ZNF711: variants seen among roughly 807,000 people sequenced by gnomAD.
ZNF711 encodes zinc finger protein 711.
In ZNF711, 3 loss-of-function variants were observed where a neutral mutation model predicts 43.5. That is an observed-to-expected ratio of 0.07 (90% CI 0.03 to 0.18). The LOEUF (loss-of-function observed/expected upper bound fraction) is 0.18. ZNF711 is among the 10% of genes least tolerant of loss of function. The probability of loss-of-function intolerance (pLI) is 1.00; values close to 1 mark genes in which losing one functional copy is unlikely to be tolerated. For missense variants in ZNF711, 412 were observed against 604.0 expected (o/e 0.68, Z 3.33); for synonymous variants, 209 against 207.7 (o/e 1.01, Z -0.06).
At chrX:85,247,243 T>C in intron 3 of ZNF711, 55 bp downstream of exon 3, 1 of 311,318 alleles carries the variant, frequency 3.2e-6, no homozygotes, top group East Asian at 4.8e-5. Flanking sequence ...TTATAACCTA[T>C]GTTTTAACTG....
In ZNF711 at chrX:85,257,363, A is replaced by G. The variant is rs144669105; in HGVS notation, c.622+1562A>G. On this transcript the variant is annotated intron_variant, in intron 5 of 10. Coordinates refer to ENST00000674551, the MANE Select transcript of ZNF711 (RefSeq NM_001330574.2). The stretch of plus-strand genomic sequence containing the variant: ...GTAATCCCCAATGTCTGTTGTTGCC[A>G]TCTTTATGTCCATGAGGACCCCATG... Among the ~76,000 whole-genome samples, 860 of 110,519 alleles carry G rather than the reference A, an allele frequency of 7.8e-3. 11 individuals carry two copies. The highest frequency in any genetic ancestry group is 0.027 in the African/African-American group (814 of 30,419).
At position 85,264,855 on chromosome X, in the gene ZNF711, G is replaced by T. The variant is rs993822032; in HGVS notation, c.779-263G>T. 2.7e-5 allele frequency among the ~76,000 whole-genome samples: 3 copies of T among 110,600 alleles called. No individual in the cohort carries two copies. In the Admixed American group the frequency reaches 2.9e-4, roughly 11 times the overall value. On this transcript the variant is annotated intron_variant, in intron 6 of 10. Transcript: ENST00000674551. ...AATAATAAAAGCTACCTATAGGGCTGTTGTGAGGGTTAAAGGGGTAAATAT... is the reference window on the plus strand; with the variant it reads ...AATAATAAAAGCTACCTATAGGGCTTTTGTGAGGGTTAAAGGGGTAAATAT...
chrX:85,245,823 A>C (rs1928991330), intron 1 of ZNF711, 80 bp from the exon 2 acceptor site: 1 of 112,194 alleles, frequency 8.9e-6, no homozygotes, highest in Non-Finnish European at 1.9e-5. Flanking sequence ...GTTCAGGTGT[A>C]AAGAAAAATA....
chrX:85,266,043 T>G (rs1012683762), intron 7 of ZNF711, among the ~76,000 whole-genome samples: 4 of 111,473 alleles, frequency 3.6e-5, no homozygotes, highest in Non-Finnish European at 7.5e-5. Context: ...TCTCCTCACC[T>G]CAGTATAGGA....
At chrX:85,263,847 T>A (rs1281907703) in intron 5 of ZNF711, among the ~76,000 whole-genome samples, 1 of 110,851 alleles carries the variant, frequency 9.0e-6, no homozygotes, top group Non-Finnish European at 1.9e-5. Flanking sequence ...ATATAACTGA[T>A]CTTGTGTACT....
intron 4 of ZNF711, among the ~76,000 whole-genome samples, chrX:85,250,744 G>T (rs767823861): frequency 1.3e-4 from 14 of 111,634 alleles, no homozygotes; most frequent in East Asian, 2.8e-4. Flanking sequence ...TCACTCATTT[G>T]TGCCTAGGGA....
At position 85,264,394 on chromosome X, in the gene ZNF711, A is replaced by G; in HGVS notation, c.742A>G (p.Ile248Val). The G allele has an allele frequency of 8.3e-7, 1 of 1,206,968 alleles. No individual in the cohort carries two copies. Among genetic ancestry groups the G allele is most frequent in the Non-Finnish European group, 1.1e-6 (1 of 893,006 alleles). Reference sequence around the variant, plus strand: ...TGGTTCTGAAGTTATAAAAGTGTATATATTTAAAGCGGAGGCTGAAGATGA... The same window carrying G: ...TGGTTCTGAAGTTATAAAAGTGTATGTATTTAAAGCGGAGGCTGAAGATGA... Reference protein sequence around the residue: ...GFGSEVIKVYIFKAEAEDDVE... With the variant: ...GFGSEVIKVYVFKAEAEDDVE... Residue 248 changes from isoleucine (I) to valine (V), a missense_variant, in exon 6 of 11, where the codon ATA becomes GTA. By Grantham distance (29) the Ile-to-Val change is conservative. This residue lies in a region of ZNF711 where 375 missense variants were observed against 514.2 expected (regional missense o/e 0.73). Transcript: ENST00000674551.
intron 4 of ZNF711, among the ~76,000 whole-genome samples, chrX:85,248,645 G>A (rs1029263911): frequency 1.8e-5 from 2 of 110,558 alleles, no homozygotes; most frequent in African/African-American, 6.6e-5. Flanking sequence ...GCTATTTGAA[G>A]TATAAAAGGC....
intron 2 of ZNF711, among the ~76,000 whole-genome samples, 188 bp from the exon 3 acceptor site, chrX:85,246,742 G>A (rs780106748): frequency 4.5e-5 from 5 of 112,102 alleles, no homozygotes; most frequent in Non-Finnish European, 7.5e-5. Flanking sequence ...TCAAATGGTC[G>A]TAAATATAGG....
chrX:85,263,164 T>G lies in ZNF711; in HGVS notation c.623-1111T>G, dbSNP rs17325061. On this transcript the variant is annotated intron_variant, in intron 5 of 10. Transcript: ENST00000674551. ...CATATAATATTTAGGAGGCATATAT[T>G]GTTTGAATATTATTTATGGTCAGAG... Among the ~76,000 whole-genome samples, 1,100 of 110,870 alleles carry G rather than the reference T, an allele frequency of 9.9e-3. 9 individuals carry two copies. The highest frequency in any genetic ancestry group is 0.035 in the Admixed American group (360 of 10,374).
At position 85,265,266 on chromosome X, in the gene ZNF711, A is replaced by G; in HGVS notation, c.916+11A>G. ...AAGAAGATGATATCAGTAAGAAAATAAGGGCACTGTAGTGACTTATCAGTA... is the reference window on the plus strand; with the variant it reads ...AAGAAGATGATATCAGTAAGAAAATGAGGGCACTGTAGTGACTTATCAGTA... On this transcript the variant is annotated intron_variant, in intron 7 of 10. Coordinates refer to ENST00000674551, the MANE Select transcript of ZNF711 (RefSeq NM_001330574.2). 5 of 1,205,721 alleles carry G rather than the reference A, an allele frequency of 4.1e-6. No individual in the cohort carries two copies. The highest frequency in any genetic ancestry group is 5.6e-6 in the Non-Finnish European group (5 of 891,239).
Position 85,268,337 on chromosome X carries a change from A to C in ZNF711, c.1098A>C (p.Ala366=). 8.3e-7 allele frequency: 1 copy of C among 1,200,067 alleles called. No individual in the cohort carries two copies. Among genetic ancestry groups the C allele is most frequent in the Non-Finnish European group, 1.1e-6 (1 of 891,265 alleles). ...RVSRRYEDCQ[A]SGNTLDSALE... ...CCCGAAGGTATGAAGATTGTCAAGCATCAGGTAAGAGAGCATTGTATATGA... is the reference window on the plus strand; with the variant it reads ...CCCGAAGGTATGAAGATTGTCAAGCCTCAGGTAAGAGAGCATTGTATATGA... Residue 366 remains alanine (A), a synonymous_variant, in exon 9 of 11, where the codon GCA becomes GCC. Coordinates refer to ENST00000674551, the MANE Select transcript of ZNF711 (RefSeq NM_001330574.2).
intron 1 of ZNF711, among the ~76,000 whole-genome samples, chrX:85,245,329 A>C (rs1316664613): frequency 4.4e-5 from 5 of 112,400 alleles, no homozygotes; most frequent in Non-Finnish European, 9.4e-5. Flanking sequence ...GGTTATCTCC[A>C]TTCAATAAGG....
chrX:85,256,750 A>G (rs1930177806), intron 5 of ZNF711, among the ~76,000 whole-genome samples: 1 of 110,840 alleles, frequency 9.0e-6, no homozygotes, highest in Admixed American at 9.6e-5. Flanking sequence ...AAAGTTTAGC[A>G]TAACTTTTTT....
chrX:85,247,416 T>G (rs1929125674), intron 3 of ZNF711, 131 bp from the exon 4 acceptor site: 1 of 419,742 alleles, frequency 2.4e-6, no homozygotes, highest in African/African-American at 2.5e-5. Flanking sequence ...GGTTTTTCTT[T>G]GTTTTGCTTT....
intron 5 of ZNF711, among the ~76,000 whole-genome samples, chrX:85,260,605 GCC>G (rs56104601): frequency 1.3e-4 from 12 of 92,309 alleles, no homozygotes; most frequent in East Asian, 3.4e-4. Context: ...TTAGCTGTTA[GCC>G]CCCCCCCCAT....
chrX:85,255,440 G>C lies in ZNF711; in HGVS notation c.261G>C (p.Val87=). The C allele has an allele frequency of 1.7e-6, 2 of 1,211,671 alleles. No homozygotes were observed. Among genetic ancestry groups the C allele is most frequent in the Non-Finnish European group, 2.2e-6 (2 of 895,522 alleles). Reference sequence around the variant, plus strand: ...AGACTGATGTAGTAACAGAAGGTGTGATTGTTCCTGAAGCGGTACTTGAAG... The same window carrying C: ...AGACTGATGTAGTAACAGAAGGTGTCATTGTTCCTGAAGCGGTACTTGAAG... ...ITETDVVTEG[V]IVPEAVLEAD... Residue 87 remains valine (V), a synonymous_variant, in exon 5 of 11, where the codon GTG becomes GTC. Coordinates refer to ENST00000674551, the MANE Select transcript of ZNF711 (RefSeq NM_001330574.2).
intron 1 of ZNF711, among the ~76,000 whole-genome samples, chrX:85,245,649 T>C (rs994186719): frequency 1.8e-5 from 2 of 112,312 alleles, no homozygotes; most frequent in African/African-American, 6.5e-5. Flanking sequence ...TTGTGATTTT[T>C]AAGATGTGCT....
rs772903133 is a variant in ZNF711 at position 85,255,881 on chromosome X, A to C, written c.622+80A>C. ...AAAAGTTTTCTGGGATGAGGGATAT[A>C]TTCAATAAAAGTTATAGGGGAATCT... is the stretch of plus-strand genomic sequence containing the variant. On this transcript the variant is annotated intron_variant, in intron 5 of 10. Transcript: ENST00000674551. 9 of 979,085 alleles carry C rather than the reference A, an allele frequency of 9.2e-6. No homozygotes were observed. In the African/African-American group the frequency reaches 1.6e-4, roughly 17 times the overall value. The allele number at this position is 979,085 out of a possible 1,213,427, so 80.7% of individuals were successfully genotyped here.
Sources: gnomAD v4.1 joint callset for allele counts (sites outside exome capture counted in the v4.1 genomes callset) on GRCh38, gnomAD v4.1.1 for gene constraint, gnomAD v4.1.1 regional missense constraint, MANE v1.5 for transcripts, NCBI Gene and HGNC (gene_info 2026-07-23, HGNC 2026-07-21) for gene names.